The following ARGFX variants were observed in gnomAD, a reference collection of about 807,000 sequenced individuals.
ARGFX encodes the protein arginine-fifty homeobox.
In ARGFX, 10 loss-of-function variants were observed where a neutral mutation model predicts 8.0. The ratio of observed to expected loss-of-function variants is 1.25; its 90% CI spans 0.77 to 2.12. ARGFX has a LOEUF of 2.12. Among genes scored for constraint, ARGFX ranks in the 30% most tolerant of loss-of-function variants. The probability of loss-of-function intolerance (pLI) is 0.00; values close to 1 mark genes in which losing one functional copy is unlikely to be tolerated. For missense variants in ARGFX, 282 were observed against 324.3 expected (o/e 0.87, Z 1.00); for synonymous variants, 116 against 117.8 (o/e 0.98, Z 0.10).
rs1382480652 is a variant in ARGFX, at chr3:121,586,058, C to A, written c.406C>A (p.Gln136Lys). The change falls in exon 5 of 5, where the codon CAG becomes AAG. Residue 136 changes from glutamine (Q) to lysine (K), a missense_variant. Coordinates refer to ENST00000334384, the MANE Select transcript of ARGFX (RefSeq NM_001012659.2). ...FRNRRFKLKK[Q>K]QQQQSAKQRN... ...GAACCGGCGATTCAAATTGAAGAAG[C>A]AGCAGCAGCAGCAATCAGCAAAGCA... 1.3e-6 allele frequency: 2 copies of A among 1,584,376 alleles called. No homozygotes were observed. Among genetic ancestry groups the A allele is most frequent in the Non-Finnish European group, 1.7e-6 (2 of 1,167,250 alleles).
chr3:121,582,897 G>T (rs2048788702), intron 3 of ARGFX, among the ~76,000 whole-genome samples: 1 of 151,860 alleles, frequency 6.6e-6, no homozygotes, highest in East Asian at 1.9e-4. Context: ...GTAGAGACAG[G>T]GTCTCATTAT....
chr3:121,570,515 G>A (rs931190305), intron 1 of ARGFX, among the ~76,000 whole-genome samples, 187 bp from the exon 2 acceptor site: 9 of 152,108 alleles, frequency 5.9e-5, no homozygotes, highest in African/African-American at 2.2e-4. Context: ...TTTCATTTTT[G>A]ACAAGTACAG....
At chr3:121,581,767 G>T (rs2048781619) in intron 3 of ARGFX, among the ~76,000 whole-genome samples, 1 of 152,062 alleles carries the variant, frequency 6.6e-6, no homozygotes, top group African/African-American at 2.4e-5. Context: ...AGCCAGGCAT[G>T]GTGTGTGCAC....
intron 3 of ARGFX, among the ~76,000 whole-genome samples, chr3:121,577,243 ATATATATATATATATATTT>A (rs200612067): frequency 0.31 from 27,876 of 88,582 alleles, 3,647 homozygotes; most frequent in Admixed American, 0.49. Context: ...ATATATATAT[ATATATATATATATATATTT>A]TTTTTTTTTT....
chr3:121,588,483 AAAAAT>A lies in ARGFX; in HGVS notation c.*1888_*1892del, dbSNP rs2048826646. ...ACAGAGCAAGACTCTGTCTCAAAAA[AAAAAT>A]AAAAAATAAAAAATAAAAAATAAAA... is the stretch of plus-strand genomic sequence containing the variant. On this transcript the variant is annotated 3_prime_UTR_variant, in exon 5 of 5. Transcript: ENST00000334384. Among the ~76,000 whole-genome samples, 1 of 138,324 alleles carries A rather than the reference AAAAAT, an allele frequency of 7.2e-6. No individual in the cohort carries two copies. 90.7% of individuals were successfully genotyped at this position (138,324 alleles called of 152,430 possible).
Position 121,571,153 on chromosome 3 carries a change from A to AAAAC in ARGFX, c.103+353_103+356dup, listed in dbSNP as rs761184588. ...TGTGGCCCAATATGGAAGGAAAATG[A>AAAAC]AAACAAACAAACAAACAAAAGCTCA... On this transcript the variant is annotated intron_variant, in intron 2 of 4. Transcript: ENST00000334384. Among the ~76,000 whole-genome samples the AAAAC allele has an allele frequency of 5.9e-5, 9 of 152,330 alleles. No individual in the cohort carries two copies. The East Asian group carries it at 1.3e-3, about 23-fold the overall frequency.
At chr3:121,573,396 G>A (rs183756487) in intron 2 of ARGFX, among the ~76,000 whole-genome samples, 13 of 151,870 alleles carry the variant, frequency 8.6e-5, no homozygotes, top group African/African-American at 2.9e-4. Flanking sequence ...TGGGAGAATC[G>A]CTTGAACTTG....
rs1351042802 is a variant in ARGFX at position 121,586,913 on chromosome 3, TA to T, written c.*314del. On this transcript the variant is annotated 3_prime_UTR_variant, in exon 5 of 5. Transcript: ENST00000334384. ...TTATCCACTTTTATTTTTTTGAAAC[TA>T]GCTCTCATTCTGTCACCCAGGCTGG... 6.6e-6 allele frequency among the ~76,000 whole-genome samples: 1 copy of T among 152,126 alleles called. No homozygotes were observed. Among genetic ancestry groups the T allele is most frequent in the Non-Finnish European group, 1.5e-5 (1 of 68,002 alleles).
intron 3 of ARGFX, among the ~76,000 whole-genome samples, chr3:121,578,692 A>G (rs1422320793): frequency 6.7e-6 from 1 of 149,664 alleles, no homozygotes; most frequent in East Asian, 2.0e-4. Flanking sequence ...TTTTTTTTAA[A>G]CAGAGTCTCG....
Position 121,590,276 on chromosome 3 carries a change from C to A in ARGFX, c.*3676C>A, listed in dbSNP as rs761584944. Among the ~76,000 whole-genome samples, 2 of 152,166 alleles carry A rather than the reference C, an allele frequency of 1.3e-5. No homozygotes were observed. The highest frequency in any genetic ancestry group is 4.8e-5 in the African/African-American group (2 of 41,428). ...ATGAATGTGTCCCCCACAGCTCATG[C>A]GTTGGAAACTTAATCCCCAAAGCAA... On this transcript the variant is annotated 3_prime_UTR_variant, in exon 5 of 5. Coordinates refer to ENST00000334384, the MANE Select transcript of ARGFX (RefSeq NM_001012659.2).
chr3:121,579,506 T>C (rs867731342), intron 3 of ARGFX, among the ~76,000 whole-genome samples: 2 of 152,332 alleles, frequency 1.3e-5, no homozygotes, highest in South Asian at 2.1e-4. Flanking sequence ...GTGTCCTTGA[T>C]ACCACAGGAC....
rs2108840091 is a variant in ARGFX at position 121,587,500 on chromosome 3, T to A, written c.*900T>A. Among the ~76,000 whole-genome samples the A allele has an allele frequency of 6.6e-6, 1 of 152,238 alleles. No homozygotes were observed. Among genetic ancestry groups the A allele is most frequent in the African/African-American group, 2.4e-5 (1 of 41,550 alleles). ...ATCGCACCCGGCTGGGTTATCTAGT[T>A]TAAAAACACTTTTTTTCAAGGAAAC... On this transcript the variant is annotated 3_prime_UTR_variant, in exon 5 of 5. Coordinates refer to ENST00000334384, the MANE Select transcript of ARGFX (RefSeq NM_001012659.2).
intron 3 of ARGFX, among the ~76,000 whole-genome samples, chr3:121,577,112 T>A (rs530648071): frequency 4.1e-5 from 6 of 145,466 alleles, no homozygotes; most frequent in African/African-American, 1.5e-4. Flanking sequence ...AGGTTTCTCA[T>A]AATTTTTGTA....
chr3:121,572,549 G>A (rs138408059), intron 2 of ARGFX, among the ~76,000 whole-genome samples: 1 of 151,910 alleles, frequency 6.6e-6, no homozygotes, highest in Non-Finnish European at 1.5e-5. Flanking sequence ...GCCCGGCCAG[G>A]CTTAATATTA....
intron 3 of ARGFX, among the ~76,000 whole-genome samples, chr3:121,582,806 A>G (rs2048787467): frequency 6.6e-6 from 1 of 152,050 alleles, no homozygotes; most frequent in Non-Finnish European, 1.5e-5. Flanking sequence ...CCTGGGTTAA[A>G]GTGATCCTCC....
chr3:121,582,264 A>G (rs920013590), intron 3 of ARGFX, among the ~76,000 whole-genome samples: 1 of 152,198 alleles, frequency 6.6e-6, no homozygotes. Context: ...AATTCCCAGT[A>G]ACAGTATTCC....
rs2108840257 is a variant in ARGFX, at chr3:121,588,052, G to C, written c.*1452G>C. Among the ~76,000 whole-genome samples the C allele has an allele frequency of 6.6e-6, 1 of 152,032 alleles. No individual in the cohort carries two copies. Among genetic ancestry groups the C allele is most frequent in the Admixed American group, 6.5e-5 (1 of 15,272 alleles). ...GAAATAAAAACAGATTTTTGAAGGTGAGATGATAAACTTGCAAAACTCACA... is the reference window on the plus strand; with the variant it reads ...GAAATAAAAACAGATTTTTGAAGGTCAGATGATAAACTTGCAAAACTCACA... On this transcript the variant is annotated 3_prime_UTR_variant, in exon 5 of 5. Coordinates refer to ENST00000334384, the MANE Select transcript of ARGFX (RefSeq NM_001012659.2).
At chr3:121,585,689 C>A (rs974727396) in intron 4 of ARGFX, among the ~76,000 whole-genome samples, 3 of 151,966 alleles carry the variant, frequency 2.0e-5, no homozygotes, top group Non-Finnish European at 4.4e-5. Flanking sequence ...CTAAAATAAT[C>A]CTTAAAAATC....
rs1190989484 is a variant in ARGFX at position 121,587,059 on chromosome 3, T to A, written c.*459T>A. 6.6e-6 allele frequency among the ~76,000 whole-genome samples: 1 copy of A among 152,000 alleles called. No individual in the cohort carries two copies. Among genetic ancestry groups the A allele is most frequent in the Non-Finnish European group, 1.5e-5 (1 of 67,990 alleles). On this transcript the variant is annotated 3_prime_UTR_variant, in exon 5 of 5. Transcript: ENST00000334384. ...TGCTCGCCACCACACCTGGCTAATT[T>A]TTTTTTTTTGAGACTGAGTCTCGCA... is the stretch of plus-strand genomic sequence containing the variant.
Sources: gnomAD v4.1 joint callset for allele counts (sites outside exome capture counted in the v4.1 genomes callset) on GRCh38, gnomAD v4.1.1 for gene constraint, MANE v1.5 for transcripts, NCBI Gene and HGNC (gene_info 2026-07-23, HGNC 2026-07-21) for gene names.